The following GRM8 variants were observed in gnomAD, a reference collection of about 807,000 sequenced individuals.
GRM8 encodes the protein glutamate metabotropic receptor 8.
GRM8 carries 47 observed loss-of-function variants against 87.2 expected under a neutral mutation model. The observed-to-expected ratio is 0.54, with a 90% CI of 0.43 to 0.69. The LOEUF is 0.69. Ranked by LOEUF, GRM8 falls within the 30% of genes least tolerant of loss-of-function variation. GRM8 has a pLI of 0.00. For synonymous variants in GRM8, 396 were observed against 404.5 expected, an observed-to-expected ratio of 0.98 and a Z score of 0.25; for missense variants, 1,019 against 1,139.2, an observed-to-expected ratio of 0.89 and a Z score of 1.52.
intron 6 of GRM8, among the ~76,000 whole-genome samples, chr7:126,883,907 C>T (rs769538894): frequency 2.0e-5 from 3 of 151,994 alleles, no homozygotes; most frequent in Non-Finnish European, 2.9e-5. Context: ...CATTTTTAAG[C>T]ACATTTTCTG....
chr7:127,250,370 G>C (rs1320574461), intron 1 of GRM8, among the ~76,000 whole-genome samples: 1 of 152,110 alleles, frequency 6.6e-6, no homozygotes, highest in Non-Finnish European at 1.5e-5. Context: ...TGCATAACAG[G>C]GCAGAACTAG....
At chr7:127,098,573 C>T (rs945432564) in intron 3 of GRM8, among the ~76,000 whole-genome samples, 1 of 151,624 alleles carries the variant, frequency 6.6e-6, no homozygotes, top group Non-Finnish European at 1.5e-5. Flanking sequence ...ATTGCTTGAC[C>T]CTCACAAAAA....
chr7:127,135,568 AG>A, intron 2 of GRM8, among the ~76,000 whole-genome samples: 1 of 21,702 alleles, frequency 4.6e-5, no homozygotes, highest in African/African-American at 3.1e-4. Flanking sequence ...AGAATTAATG[AG>A]ATCGCGCCAC....
At chr7:127,237,906 A>G (rs1047762044) in intron 2 of GRM8, among the ~76,000 whole-genome samples, 3 of 152,224 alleles carry the variant, frequency 2.0e-5, no homozygotes, top group Non-Finnish European at 4.4e-5. Flanking sequence ...AAGACATATG[A>G]TTAGTGTTTG....
chr7:127,069,108 CCT>C (rs1181703801), intron 3 of GRM8, among the ~76,000 whole-genome samples: 3 of 152,146 alleles, frequency 2.0e-5, no homozygotes, highest in African/African-American at 7.2e-5. Flanking sequence ...GTTTCTCTCC[CCT>C]CTTTCCACAG....
chr7:126,439,146 A>G lies in GRM8; in HGVS notation c.2700T>C (p.Tyr900=), dbSNP rs201299531. The change falls in exon 11 of 11, where the codon TAT becomes TAC. Residue 900 remains tyrosine (Y), a synonymous_variant. Coordinates refer to ENST00000339582, the MANE Select transcript of GRM8 (RefSeq NM_000845.3). ...ETNTSSTKTT[Y]ISYSNHSI Reference sequence around the variant, plus strand: ...AGATTGAATGATTGCTGTAACTGATATATGTTGTCTTGGTAGAGGAAGCTG... The same window carrying G: ...AGATTGAATGATTGCTGTAACTGATGTATGTTGTCTTGGTAGAGGAAGCTG... The G allele has an allele frequency of 3.1e-5, 48 of 1,568,072 alleles. No individual in the cohort carries two copies. The highest frequency in any genetic ancestry group is 4.0e-5 in the Non-Finnish European group (46 of 1,138,498).
chr7:127,149,143 T>C (rs1314210063), intron 2 of GRM8, among the ~76,000 whole-genome samples: 2 of 151,798 alleles, frequency 1.3e-5, no homozygotes, highest in African/African-American at 2.4e-5. Flanking sequence ...TGACAGCCTA[T>C]AGATTGGGAA....
At chr7:126,456,921 G>A (rs767657079) in intron 9 of GRM8, among the ~76,000 whole-genome samples, 3 of 151,396 alleles carry the variant, frequency 2.0e-5, no homozygotes, top group South Asian at 2.1e-4. Flanking sequence ...ACCAAAAACC[G>A]TGGGCAAACA....
intron 6 of GRM8, among the ~76,000 whole-genome samples, chr7:126,853,738 G>A (rs189850606): frequency 8.6e-4 from 131 of 152,290 alleles, no homozygotes; most frequent in African/African-American, 3.0e-3. Context: ...GGAATGGGCA[G>A]GACCCAGGGG....
chr7:126,886,865 T>C (rs1800550521), intron 6 of GRM8, among the ~76,000 whole-genome samples: 2 of 152,102 alleles, frequency 1.3e-5, no homozygotes, highest in African/African-American at 4.8e-5. Flanking sequence ...AGTTAAACCT[T>C]AGATGTCTAT....
chr7:126,815,394 C>T (rs1272959345), intron 6 of GRM8, among the ~76,000 whole-genome samples: 1 of 152,096 alleles, frequency 6.6e-6, no homozygotes, highest in African/African-American at 2.4e-5. Flanking sequence ...CACCAGAAAT[C>T]GTATACATAG....
intron 2 of GRM8, among the ~76,000 whole-genome samples, chr7:127,224,475 T>C (rs1285734167): frequency 1.3e-5 from 2 of 152,216 alleles, no homozygotes; most frequent in Admixed American, 1.3e-4. Flanking sequence ...GGGATGACAT[T>C]CTCAGATGAA....
At chr7:126,546,409 C>T (rs959800105) in intron 8 of GRM8, among the ~76,000 whole-genome samples, 2 of 152,042 alleles carry the variant, frequency 1.3e-5, no homozygotes, top group African/African-American at 4.8e-5. Flanking sequence ...GTTTTGAAAA[C>T]CAACTCTATT....
At chr7:126,889,026 T>A (rs541993450) in intron 6 of GRM8, among the ~76,000 whole-genome samples, 81 of 151,264 alleles carry the variant, frequency 5.4e-4, no homozygotes, top group African/African-American at 2.0e-3. Context: ...CCATATCCTA[T>A]GTCGGCCCAC....
intron 9 of GRM8, among the ~76,000 whole-genome samples, chr7:126,514,641 C>T (rs1202756033): frequency 1.3e-5 from 2 of 151,882 alleles, no homozygotes; most frequent in African/African-American, 4.8e-5. Flanking sequence ...TTGAATATGA[C>T]TTTAAAACAT....
chr7:127,076,371 G>T (rs2132727589), intron 3 of GRM8: 2 of 334,948 alleles, frequency 6.0e-6, no homozygotes, highest in South Asian at 4.9e-5. Context: ...ATCTGGGGGA[G>T]AAGGTCAGTT....
intron 3 of GRM8, among the ~76,000 whole-genome samples, chr7:126,916,062 T>G (rs1458351613): frequency 6.6e-6 from 1 of 152,182 alleles, no homozygotes; most frequent in East Asian, 1.9e-4. Context: ...GAAAGCTAAC[T>G]CCTTCTAAAT....
chr7:126,512,771 A>G (rs1471016060), intron 9 of GRM8: 1 of 152,158 alleles, frequency 6.6e-6, no homozygotes, highest in Non-Finnish European at 1.5e-5. Context: ...GAGATGAATG[A>G]CTTGGAATTG....
At chr7:126,775,086 T>C (rs1375237246) in intron 6 of GRM8, among the ~76,000 whole-genome samples, 1 of 152,154 alleles carries the variant, frequency 6.6e-6, no homozygotes, top group East Asian at 1.9e-4. Flanking sequence ...GGAGTATAAA[T>C]AATCCCACAA....
Sources: allele counts gnomAD v4.1 joint callset (sites outside exome capture counted in the v4.1 genomes callset), GRCh38; gene constraint gnomAD v4.1.1; transcripts MANE v1.5; gene names NCBI Gene and HGNC (gene_info 2026-07-23, HGNC 2026-07-21).